The following KCNH8 variants were observed in gnomAD, a reference collection of about 807,000 sequenced individuals.
KCNH8 encodes the protein voltage-gated delayed rectifier potassium channel KCNH8.
A neutral mutation model predicts 103.6 loss-of-function variants in KCNH8; 70 were observed. The ratio of observed to expected loss-of-function variants is 0.68; its 90% CI spans 0.56 to 0.82. The LOEUF is 0.82. Ranked by LOEUF, KCNH8 falls within the 40% of genes least tolerant of loss-of-function variation. KCNH8 has a pLI of 0.00. For synonymous variants in KCNH8, 498 were observed against 489.4 expected, an observed-to-expected ratio of 1.02 and a Z score of -0.23; for missense variants, 1,217 against 1,329.9, an observed-to-expected ratio of 0.92 and a Z score of 1.32.
chr3:19,513,339 T>C lies in KCNH8; in HGVS notation c.2435+14T>C, dbSNP rs1490324110. On this transcript the variant is annotated intron_variant, in intron 13 of 15. Transcript: ENST00000328405. The stretch of plus-strand genomic sequence containing the variant: ...CCTCAGTCCAAGGTAAGAGTTCATA[T>C]CATATAACTTTCTCACGTGAACGTG... The C allele has an allele frequency of 1.3e-6, 2 of 1,563,716 alleles. No homozygotes were observed. Among genetic ancestry groups the C allele is most frequent in the Admixed American group, 2.0e-5 (1 of 51,204 alleles).
chr3:19,382,808 G>A (rs1439628409), intron 5 of KCNH8, among the ~76,000 whole-genome samples: 1 of 152,080 alleles, frequency 6.6e-6, no homozygotes, highest in African/African-American at 2.4e-5. Flanking sequence ...GCTAGGGTGT[G>A]CTACAGTAAC....
At chr3:19,210,857 C>T (rs75045194) in intron 1 of KCNH8, among the ~76,000 whole-genome samples, 6,194 of 152,192 alleles carry the variant, frequency 0.041, 449 homozygotes, top group African/African-American at 0.14. Context: ...TAATATTGGA[C>T]CCTGAAAGTA....
At chr3:19,254,472 A>G (rs1319607338) in intron 2 of KCNH8, among the ~76,000 whole-genome samples, 3 of 152,146 alleles carry the variant, frequency 2.0e-5, no homozygotes, top group Admixed American at 6.6e-5. Flanking sequence ...TTGGGCTCCA[A>G]ACTGCCTCTG....
At chr3:19,210,734 C>T (rs960448368) in intron 1 of KCNH8, among the ~76,000 whole-genome samples, 12 of 151,674 alleles carry the variant, frequency 7.9e-5, no homozygotes, top group Non-Finnish European at 1.5e-4. Flanking sequence ...CACATATGTT[C>T]AAATAGGAGT....
At chr3:19,190,775 C>A (rs999818089) in intron 1 of KCNH8, among the ~76,000 whole-genome samples, 1 of 151,858 alleles carries the variant, frequency 6.6e-6, no homozygotes, top group Non-Finnish European at 1.5e-5. Flanking sequence ...TAGGACTGTG[C>A]GCAGGAAGAA....
intron 3 of KCNH8, among the ~76,000 whole-genome samples, chr3:19,288,734 G>C (rs1404604478): frequency 6.6e-6 from 1 of 152,104 alleles, no homozygotes; most frequent in African/African-American, 2.4e-5. Flanking sequence ...ATAATCCTTT[G>C]GTTATATACC....
intron 5 of KCNH8, among the ~76,000 whole-genome samples, chr3:19,348,753 C>G (rs1490497645): frequency 6.6e-6 from 1 of 151,920 alleles, no homozygotes; most frequent in African/African-American, 2.4e-5. Context: ...GGGCTATATT[C>G]TTACTGTAAA....
At chr3:19,468,667 C>G (rs1019737711) in intron 11 of KCNH8, among the ~76,000 whole-genome samples, 1 of 152,208 alleles carries the variant, frequency 6.6e-6, no homozygotes, top group Admixed American at 6.5e-5. Context: ...GATCTGCCTT[C>G]AAATCTCAGC....
chr3:19,360,629 TA>T (rs1185375229), intron 5 of KCNH8, among the ~76,000 whole-genome samples: 1 of 152,028 alleles, frequency 6.6e-6, no homozygotes, highest in Non-Finnish European at 1.5e-5. Context: ...GCCTTTTCCA[TA>T]ACAAATATTT....
In KCNH8 at chr3:19,409,062, T is replaced by A. The variant is rs182316614; in HGVS notation, c.1177+13751T>A. Reference sequence around the variant, plus strand: ...ACAAAACAAATATCACCAAGACATATAACCACTAGACTATCCAAGGTCAGC... The same window carrying A: ...ACAAAACAAATATCACCAAGACATAAAACCACTAGACTATCCAAGGTCAGC... On this transcript the variant is annotated intron_variant, in intron 7 of 15. Coordinates refer to ENST00000328405, the MANE Select transcript of KCNH8 (RefSeq NM_144633.3). Among the ~76,000 whole-genome samples the A allele has an allele frequency of 3.0e-3, 457 of 151,976 alleles. 1 individual carries two copies. The highest frequency in any genetic ancestry group is 0.01 in the African/African-American group (433 of 41,466).
At chr3:19,289,993 G>A (rs1199140429) in intron 3 of KCNH8, among the ~76,000 whole-genome samples, 13 of 151,968 alleles carry the variant, frequency 8.6e-5, no homozygotes, top group Admixed American at 2.0e-4. Context: ...TAGGTATTTT[G>A]TTCTCTTTGA....
intron 11 of KCNH8, among the ~76,000 whole-genome samples, chr3:19,477,385 C>T (rs902203527): frequency 2.0e-5 from 3 of 150,820 alleles, no homozygotes; most frequent in African/African-American, 4.9e-5. Flanking sequence ...GACATTGGAC[C>T]GAGAACTTAA....
intron 15 of KCNH8, among the ~76,000 whole-genome samples, chr3:19,530,790 CATG>C (rs1044104465): frequency 1.3e-5 from 2 of 152,172 alleles, no homozygotes; most frequent in South Asian, 2.1e-4. Flanking sequence ...TCTTTTTCTA[CATG>C]ATAATATTCT....
At chr3:19,371,382 G>A (rs144361809) in intron 5 of KCNH8, among the ~76,000 whole-genome samples, 5 of 151,308 alleles carry the variant, frequency 3.3e-5, no homozygotes, top group Admixed American at 6.6e-5. Flanking sequence ...ATTTTTTCAT[G>A]TGTTTTTTGG....
chr3:19,281,085 T>C, intron 2 of KCNH8, 113 bp from the exon 3 acceptor site: 2 of 1,037,330 alleles, frequency 1.9e-6, no homozygotes, highest in Non-Finnish European at 2.8e-6. Context: ...ATGGAGGGAG[T>C]TGTGGGATTG....
intron 1 of KCNH8, among the ~76,000 whole-genome samples, chr3:19,239,551 ATAT>A (rs911544273): frequency 2.0e-5 from 3 of 152,200 alleles, no homozygotes; most frequent in African/African-American, 7.2e-5. Context: ...TGCTATGATA[ATAT>A]TTATTTAAAA....
intron 7 of KCNH8, among the ~76,000 whole-genome samples, chr3:19,436,385 T>G (rs1373365585): frequency 6.6e-6 from 1 of 152,216 alleles, no homozygotes; most frequent in Non-Finnish European, 1.5e-5. Flanking sequence ...CCAAATTGGT[T>G]AAATAGCATC....
intron 3 of KCNH8, among the ~76,000 whole-genome samples, chr3:19,338,839 C>G (rs765136768): frequency 3.3e-5 from 5 of 152,088 alleles, no homozygotes; most frequent in Non-Finnish European, 7.4e-5. Context: ...CTGTTTCATT[C>G]ATTTCCCATT....
At position 19,534,621 on chromosome 3, in the gene KCNH8, C is replaced by G. The variant is rs894892171; in HGVS notation, c.*522C>G. 1 of 153,204 alleles carries G rather than the reference C, an allele frequency of 6.5e-6. No homozygotes were observed. Among genetic ancestry groups the G allele is most frequent in the Non-Finnish European group, 1.5e-5 (1 of 68,468 alleles). 9.5% of individuals were successfully genotyped at this position (153,204 alleles called of 1,614,324 possible). Reference sequence around the variant, plus strand: ...AATAGAGCTGGTGGCCAGTGGTTAGCTATTCGCACGTTATTTGCCATGTAA... The same window carrying G: ...AATAGAGCTGGTGGCCAGTGGTTAGGTATTCGCACGTTATTTGCCATGTAA... On this transcript the variant is annotated 3_prime_UTR_variant, in exon 16 of 16. Coordinates refer to ENST00000328405, the MANE Select transcript of KCNH8 (RefSeq NM_144633.3).
Sources: allele counts gnomAD v4.1 joint callset (sites outside exome capture counted in the v4.1 genomes callset), GRCh38; gene constraint gnomAD v4.1.1; transcripts MANE v1.5; gene names NCBI Gene and HGNC (gene_info 2026-07-23, HGNC 2026-07-21).